Variants in SCAPER observed in about 807,000 individuals in gnomAD.
SCAPER encodes the protein S phase cyclin A-associated protein in the endoplasmic reticulum.
SCAPER carries 98 observed loss-of-function variants against 182.2 expected under a neutral mutation model. The observed-to-expected ratio is 0.54, with a 90% confidence interval of 0.46 to 0.64. The LOEUF is 0.64. Among genes scored for constraint, SCAPER ranks in the 30% least tolerant of loss-of-function variants. The probability of loss-of-function intolerance (pLI) is 0.00; values close to 1 mark genes in which losing one functional copy is unlikely to be tolerated. For missense variants in SCAPER, 1,432 were observed against 1,690.0 expected, an observed-to-expected ratio of 0.85 and a Z score of 2.68; for synonymous variants, 605 against 564.6, an observed-to-expected ratio of 1.07 and a Z score of -1.01.
At chr15:76,532,837 T>C (rs978657385) in intron 23 of SCAPER, among the ~76,000 whole-genome samples, 45 of 152,056 alleles carry the variant, frequency 3.0e-4, no homozygotes, top group African/African-American at 1.1e-3. Flanking sequence ...TGATGATGCC[T>C]TTGGGAGGTG....
At chr15:76,437,599 C>T (rs1273369168) in intron 25 of SCAPER, among the ~76,000 whole-genome samples, 1 of 152,186 alleles carries the variant, frequency 6.6e-6, no homozygotes, top group African/African-American at 2.4e-5. Context: ...CAGGGTTCTT[C>T]ATTCATCACA....
At chr15:76,727,420 A>G (rs1041900134) in intron 17 of SCAPER, among the ~76,000 whole-genome samples, 2 of 152,058 alleles carry the variant, frequency 1.3e-5, no homozygotes, top group Non-Finnish European at 2.9e-5. Flanking sequence ...AGAACACAAC[A>G]GTCCACGAGC....
chr15:76,588,988 T>G (rs2048900799), intron 22 of SCAPER, among the ~76,000 whole-genome samples: 1 of 152,086 alleles, frequency 6.6e-6, no homozygotes, highest in Non-Finnish European at 1.5e-5. Flanking sequence ...TCCCGAGAGC[T>G]GAACTGTAGT....
At chr15:76,480,875 C>T (rs1450763987) in intron 24 of SCAPER, among the ~76,000 whole-genome samples, 6 of 152,038 alleles carry the variant, frequency 3.9e-5, no homozygotes, top group Admixed American at 1.3e-4. Flanking sequence ...GGACGACAGG[C>T]GCCTACCACT....
intron 25 of SCAPER, among the ~76,000 whole-genome samples, chr15:76,460,315 T>C (rs545109373): frequency 1.3e-5 from 2 of 152,312 alleles, no homozygotes; most frequent in African/African-American, 4.8e-5. Flanking sequence ...ATTTTATTTT[T>C]ATAGCTATTA....
At chr15:76,667,663 C>T (rs1192358647) in intron 20 of SCAPER, among the ~76,000 whole-genome samples, 1 of 79,188 alleles carries the variant, frequency 1.3e-5, no homozygotes, top group Non-Finnish European at 2.5e-5. Context: ...AAAAAAAAAA[C>T]GCTCCTCAGC....
intron 22 of SCAPER, among the ~76,000 whole-genome samples, chr15:76,620,240 C>T (rs2051900587): frequency 6.6e-6 from 1 of 152,110 alleles, no homozygotes; most frequent in Non-Finnish European, 1.5e-5. Context: ...CTCTCTAGAG[C>T]TTAGTTTCCC....
intron 21 of SCAPER, among the ~76,000 whole-genome samples, chr15:76,634,465 T>C (rs1264669259): frequency 6.6e-6 from 1 of 152,226 alleles, no homozygotes; most frequent in Non-Finnish European, 1.5e-5. Context: ...CATTAGCTTG[T>C]TCATTTCTAC....
intron 27 of SCAPER, among the ~76,000 whole-genome samples, chr15:76,398,919 C>T (rs1456932428): frequency 1.3e-5 from 2 of 152,148 alleles, no homozygotes; most frequent in Non-Finnish European, 2.9e-5. Context: ...TAAATGATTA[C>T]TGATTAAGTT....
intron 25 of SCAPER, among the ~76,000 whole-genome samples, chr15:76,466,559 T>C (rs1032143213): frequency 6.6e-6 from 1 of 151,634 alleles, no homozygotes; most frequent in African/African-American, 2.4e-5. Flanking sequence ...CATGTCTTTG[T>C]TTCTTTAGGA....
At chr15:76,584,678 G>A (rs2145564998) in intron 22 of SCAPER, among the ~76,000 whole-genome samples, 1 of 152,146 alleles carries the variant, frequency 6.6e-6, no homozygotes, top group East Asian at 1.9e-4. Flanking sequence ...CAAATCTTAT[G>A]CTTTTGCGTT....
At chr15:76,568,558 T>C (rs1002456674) in intron 23 of SCAPER, among the ~76,000 whole-genome samples, 6 of 152,164 alleles carry the variant, frequency 3.9e-5, no homozygotes, top group Non-Finnish European at 8.8e-5. Context: ...GGTTTCGCCA[T>C]GTTGGCCAGG....
chr15:76,428,992 G>A (rs1479780709), intron 26 of SCAPER, among the ~76,000 whole-genome samples: 1 of 150,354 alleles, frequency 6.7e-6, no homozygotes, highest in Non-Finnish European at 1.5e-5. Flanking sequence ...ATTGAGGGAG[G>A]GACTTGGTGG....
intron 25 of SCAPER, among the ~76,000 whole-genome samples, chr15:76,460,431 A>G: frequency 6.6e-6 from 1 of 152,142 alleles, no homozygotes; most frequent in Non-Finnish European, 1.5e-5. Flanking sequence ...TACTGAATTC[A>G]TTCATCAGAT....
At chr15:76,472,399 T>G in intron 24 of SCAPER, 1 of 685,124 alleles carries the variant, frequency 1.5e-6, no homozygotes, top group South Asian at 1.4e-5. Context: ...TGTGTACTTC[T>G]GGTGACTGTA....
intron 1 of SCAPER, among the ~76,000 whole-genome samples, chr15:76,895,249 A>T (rs2074369699): frequency 6.6e-6 from 1 of 152,238 alleles, no homozygotes; most frequent in Non-Finnish European, 1.5e-5. Context: ...CACATGAGAT[A>T]CACCACATTA....
intron 5 of SCAPER, among the ~76,000 whole-genome samples, chr15:76,812,616 A>G (rs1225900498): frequency 5.3e-5 from 8 of 152,112 alleles, no homozygotes; most frequent in African/African-American, 1.7e-4. Context: ...AAAGAGGGAC[A>G]ATACAACAGA....
intron 24 of SCAPER, among the ~76,000 whole-genome samples, chr15:76,484,265 A>C (rs928060050): frequency 1.3e-5 from 2 of 152,204 alleles, no homozygotes; most frequent in Non-Finnish European, 1.5e-5. Flanking sequence ...TATAACTTCA[A>C]CTGTGTGATA....
chr15:76,522,625 A>C (rs1878657859), intron 23 of SCAPER, among the ~76,000 whole-genome samples: 1 of 152,098 alleles, frequency 6.6e-6, no homozygotes, highest in Non-Finnish European at 1.5e-5. Context: ...TAAGTATTTC[A>C]ACCATAAAGT....
Sources: gnomAD v4.1 joint callset for allele counts (sites outside exome capture counted in the v4.1 genomes callset) on GRCh38, gnomAD v4.1.1 for gene constraint, MANE v1.5 for transcripts, NCBI Gene and HGNC (gene_info 2026-07-23, HGNC 2026-07-21) for gene names.